Variants in VPS13C observed in about 807,000 individuals in gnomAD.
VPS13C encodes intermembrane lipid transfer protein VPS13C.
In VPS13C, 358 loss-of-function variants were observed where a neutral mutation model predicts 456.8. That is an observed-to-expected ratio of 0.78 (90% CI 0.72 to 0.86). The LOEUF (loss-of-function observed/expected upper bound fraction) is 0.86. VPS13C is among the 40% of genes least tolerant of loss of function. The pLI, the probability that VPS13C is intolerant of heterozygous loss-of-function variation, is 0.00. For synonymous variants in VPS13C, 1,578 were observed against 1,486.7 expected (o/e 1.06, Z -1.41); for missense variants, 4,818 against 4,385.4 (o/e 1.10, Z -2.79).
intron 62 of VPS13C, 93 bp from the exon 63 acceptor site, chr15:61,912,097 T>C: frequency 9.2e-7 from 1 of 1,092,024 alleles, no homozygotes; most frequent in Non-Finnish European, 1.2e-6. Flanking sequence ...TCTTACAATA[T>C]TTTAAAATAA....
At chr15:61,984,723 A>C in intron 19 of VPS13C, 134 bp downstream of exon 19, 1 of 863,934 alleles carries the variant, frequency 1.2e-6, no homozygotes, top group East Asian at 2.7e-5. Flanking sequence ...CAAATATAAA[A>C]AGGCTATCTT....
At chr15:61,967,198 T>C (rs2045403742) in intron 29 of VPS13C, among the ~76,000 whole-genome samples, 170 bp downstream of exon 29, 1 of 151,968 alleles carries the variant, frequency 6.6e-6, no homozygotes, top group Admixed American at 6.6e-5. Flanking sequence ...AATAGCCCCG[T>C]ACTTAAGTGA....
In VPS13C at chr15:61,919,398, C is replaced by A; in HGVS notation, c.7529G>T (p.Arg2510Leu). The stretch of plus-strand genomic sequence containing the variant: ...GGGATTCCGTACATTATACAATCGC[C>A]GTCCAGGTCTGGCCACAGGGATATT... ...VANIPVARPG[R>L]RLYNVRNPNA... The change falls in exon 58 of 85, where the codon CGG becomes CTG. Residue 2510 changes from arginine to leucine, a missense_variant. Transcript: ENST00000644861. 6.2e-7 allele frequency: 1 copy of A among 1,600,760 alleles called. No homozygotes were observed. The highest frequency in any genetic ancestry group is 8.5e-7 in the Non-Finnish European group (1 of 1,174,376).
At position 61,873,525 on chromosome 15, in the gene VPS13C, C is replaced by A. The variant is rs1895186009; in HGVS notation, c.10415-116G>T. 8 of 1,052,014 alleles carry A rather than the reference C, an allele frequency of 7.6e-6. No individual in the cohort carries two copies. In the Admixed American group the frequency reaches 1.3e-4, roughly 17 times the overall value. 65.2% of individuals were successfully genotyped at this position (1,052,014 alleles called of 1,614,324 possible). On this transcript the variant is annotated intron_variant, in intron 77 of 84. Transcript: ENST00000644861. Reference sequence around the variant, plus strand: ...AGGCAAACGATCTGAATAAATATTTCTGAAAAGGAGACATACAAATGGCCA... The same window carrying A: ...AGGCAAACGATCTGAATAAATATTTATGAAAAGGAGACATACAAATGGCCA...
intron 81 of VPS13C, chr15:61,863,773 C>T: frequency 3.0e-6 from 1 of 329,130 alleles, no homozygotes; most frequent in Non-Finnish European, 5.6e-6. Flanking sequence ...TGGTAAAATA[C>T]ATTTTGTTCT....
intron 66 of VPS13C, among the ~76,000 whole-genome samples, chr15:61,906,098 GTTTATCATAC>G (rs2043144643): frequency 6.6e-6 from 1 of 151,932 alleles, no homozygotes. Flanking sequence ...GGTTTTTTCT[GTTTATCATAC>G]TTAAATGAGG....
At chr15:61,863,578 T>A (rs750266776) in intron 81 of VPS13C, 50 bp from the exon 82 acceptor site, 10 of 1,237,414 alleles carry the variant, frequency 8.1e-6, no homozygotes, top group Admixed American at 3.5e-5. Flanking sequence ...ATTTAAGTAG[T>A]ATTTACAATA....
chr15:61,969,359 A>G lies in VPS13C; in HGVS notation c.2851T>C (p.Phe951Leu). Reference sequence around the variant, plus strand: ...AAATAAGATACCACAGTTAAGTCAAATGTTCTCATTGTGGCCTCTGTTCCT... The same window carrying G: ...AAATAAGATACCACAGTTAAGTCAAGTGTTCTCATTGTGGCCTCTGTTCCT... ...QLGTEATMRTFDLTVVSYLKK... is the reference protein window; with the variant it reads ...QLGTEATMRTLDLTVVSYLKK... The change falls in exon 28 of 85, where the codon TTT becomes CTT. Residue 951 changes from phenylalanine to leucine, a missense_variant. Around this residue, in one of 3 missense-constraint regions of VPS13C, gnomAD observed 4,552 missense variants for 4,130.6 expected, o/e 1.10. Coordinates refer to ENST00000644861, the MANE Select transcript of VPS13C (RefSeq NM_020821.3). 1 of 1,604,648 alleles carries G rather than the reference A, an allele frequency of 6.2e-7. No individual in the cohort carries two copies.
At chr15:62,037,196 AAATAT>A (rs1363873918) in intron 3 of VPS13C, among the ~76,000 whole-genome samples, 15 of 114,522 alleles carry the variant, frequency 1.3e-4, no homozygotes, top group African/African-American at 5.1e-4. Context: ...TAAATATAAT[AAATAT>A]AATATATAAA....
intron 78 of VPS13C, among the ~76,000 whole-genome samples, 189 bp downstream of exon 78, chr15:61,873,057 T>C (rs1017400873): frequency 2.6e-5 from 4 of 151,984 alleles, no homozygotes; most frequent in Admixed American, 6.6e-5. Context: ...AATCTGACAA[T>C]TCAGGGGATA....
intron 60 of VPS13C, among the ~76,000 whole-genome samples, chr15:61,916,372 G>GT (rs1566998795): frequency 6.6e-6 from 1 of 152,128 alleles, no homozygotes; most frequent in Non-Finnish European, 1.5e-5. Flanking sequence ...CTGGCCTTCA[G>GT]TTTTATCCTC....
At chr15:62,022,710 C>T (rs36126734) in intron 8 of VPS13C, among the ~76,000 whole-genome samples, 8,880 of 151,810 alleles carry the variant, frequency 0.058, 318 homozygotes, top group Non-Finnish European at 0.08. Flanking sequence ...AAATTAAAAA[C>T]AAAAAGAATG....
chr15:61,896,335 G>A (rs145478714), intron 66 of VPS13C, among the ~76,000 whole-genome samples: 1,645 of 152,300 alleles, frequency 0.011, 36 homozygotes, highest in African/African-American at 0.038. Flanking sequence ...TTCCATCTGA[G>A]GTACCAGGTT....
chr15:61,895,808 T>C (rs1227389014), intron 66 of VPS13C, among the ~76,000 whole-genome samples: 1 of 152,046 alleles, frequency 6.6e-6, no homozygotes, highest in Non-Finnish European at 1.5e-5. Context: ...CTGGGAAGGA[T>C]AGGAAGAAGG....
chr15:62,018,129 T>C (rs905384746), intron 9 of VPS13C, among the ~76,000 whole-genome samples: 13 of 152,222 alleles, frequency 8.5e-5, no homozygotes, highest in African/African-American at 3.1e-4. Context: ...TTTTTGCACA[T>C]TGATTTTGTA....
intron 60 of VPS13C, 57 bp downstream of exon 60, chr15:61,917,284 A>C: frequency 6.5e-7 from 1 of 1,546,222 alleles, no homozygotes; most frequent in Non-Finnish European, 8.8e-7. Context: ...ACCATAAAAC[A>C]AAATCAGAAT....
intron 55 of VPS13C, 88 bp from the exon 56 acceptor site, chr15:61,920,735 T>C: frequency 8.0e-7 from 1 of 1,257,598 alleles, no homozygotes; most frequent in Non-Finnish European, 1.1e-6. Context: ...CCTAAACTGA[T>C]CACTTTATAG....
intron 46 of VPS13C, among the ~76,000 whole-genome samples, chr15:61,941,149 A>C (rs905523223): frequency 6.6e-6 from 1 of 152,234 alleles, no homozygotes; most frequent in Non-Finnish European, 1.5e-5. Flanking sequence ...AAGATGAAGA[A>C]AGTAATCTTA....
Position 61,890,249 on chromosome 15 carries a change from T to C in VPS13C, c.9257A>G (p.Glu3086Gly), listed in dbSNP as rs2042608880. The change falls in exon 67 of 85, where the codon GAA becomes GGA. Residue 3086 changes from glutamate to glycine, a missense_variant. Around this residue, in one of 3 missense-constraint regions of VPS13C, gnomAD observed 4,552 missense variants for 4,130.6 expected, o/e 1.10. Transcript: ENST00000644861. ...AAGACTGTGGAGAGACAAGGTTATTTCATAATCAGCCTGTTCCATTTCTTC... is the reference window on the plus strand; with the variant it reads ...AAGACTGTGGAGAGACAAGGTTATTCCATAATCAGCCTGTTCCATTTCTTC... ...QAEEMEQADY[E>G]ITLSLHSLGL... 1 of 1,614,120 alleles carries C rather than the reference T, an allele frequency of 6.2e-7. No homozygotes were observed. The highest frequency in any genetic ancestry group is 1.3e-5 in the African/African-American group (1 of 75,026).
Sources: gnomAD v4.1 joint callset for allele counts (sites outside exome capture counted in the v4.1 genomes callset) on GRCh38, gnomAD v4.1.1 for gene constraint, gnomAD v4.1.1 regional missense constraint, MANE v1.5 for transcripts, NCBI Gene and HGNC (gene_info 2026-07-23, HGNC 2026-07-21) for gene names.